The following TMPRSS11F variants were observed in gnomAD, a reference collection of about 807,000 sequenced individuals.
TMPRSS11F encodes the protein transmembrane serine protease 11F.
TMPRSS11F carries 47 observed loss-of-function variants against 60.2 expected under a neutral mutation model. That is an observed-to-expected ratio of 0.78 (90% CI 0.62 to 1.00). The LOEUF is 1.00. Ranked by LOEUF, TMPRSS11F falls within the 50% of genes least tolerant of loss-of-function variation. TMPRSS11F has a pLI of 0.00. For missense variants in TMPRSS11F, 519 were observed against 522.9 expected (o/e 0.99, Z 0.07); for synonymous variants, 166 against 167.3 (o/e 0.99, Z 0.06).
At chr4:68,064,484 G>A (rs984512882) in intron 8 of TMPRSS11F, among the ~76,000 whole-genome samples, 3 of 152,140 alleles carry the variant, frequency 2.0e-5, no homozygotes, top group Admixed American at 2.0e-4. Context: ...ACCACACCCG[G>A]CCACCACTGC....
intron 1 of TMPRSS11F, among the ~76,000 whole-genome samples, chr4:68,122,843 T>C (rs1724648329): frequency 6.6e-6 from 1 of 152,204 alleles, no homozygotes; most frequent in African/African-American, 2.4e-5. Flanking sequence ...CTTTAAAAAA[T>C]GTTTTTGAGG....
At chr4:68,062,817 C>G (rs1284207622) in intron 8 of TMPRSS11F, 1 of 755,772 alleles carries the variant, frequency 1.3e-6, no homozygotes, top group South Asian at 1.3e-5. Flanking sequence ...ATCTCTTGAT[C>G]CGTGGATTTC....
In TMPRSS11F at chr4:68,094,601, C is replaced by G. The variant is rs550682305; in HGVS notation, c.164-3960G>C. Among the ~76,000 whole-genome samples the G allele has an allele frequency of 3.8e-5, 5 of 130,458 alleles. No homozygotes were observed. The East Asian group carries it at 1.1e-3, about 29-fold the overall frequency. The allele number at this position is 130,458 out of a possible 152,430, so 85.6% of individuals were successfully genotyped here. A position where few individuals can be genotyped will look rare whatever the true frequency, so the allele number is the denominator to read the frequency against. On this transcript the variant is annotated intron_variant, in intron 2 of 9. Coordinates refer to ENST00000356291, the MANE Select transcript of TMPRSS11F (RefSeq NM_207407.2). Reference sequence around the variant, plus strand: ...AAATAAATAAATAAATAAATAAAATCAAGGTATGCTTGGCTCTTGGGATTT... The same window carrying G: ...AAATAAATAAATAAATAAATAAAATGAAGGTATGCTTGGCTCTTGGGATTT...
intron 1 of TMPRSS11F, among the ~76,000 whole-genome samples, chr4:68,126,353 A>G (rs1338363993): frequency 6.6e-6 from 1 of 152,224 alleles, no homozygotes; most frequent in African/African-American, 2.4e-5. Flanking sequence ...TTTAAAATCT[A>G]GTCTATAAGC....
intron 9 of TMPRSS11F, among the ~76,000 whole-genome samples, chr4:68,057,989 T>G (rs1311124404): frequency 6.6e-6 from 1 of 152,180 alleles, no homozygotes; most frequent in East Asian, 1.9e-4. Flanking sequence ...ACTACATCAT[T>G]TTACCTATAT....
At position 68,055,814 on chromosome 4, in the gene TMPRSS11F, T is replaced by A. The variant is rs192774363; in HGVS notation, c.1159-1747A>T. 4.8e-3 allele frequency among the ~76,000 whole-genome samples: 724 copies of A among 152,258 alleles called. 3 individuals are homozygous for A. Among genetic ancestry groups the A allele is most frequent in the Non-Finnish European group, 6.6e-3 (447 of 68,004 alleles). ...GTAAAAATCCTTAACAAAATACTCA[T>A]GAACCAAATTCAAATAGATTAAAGG... On this transcript the variant is annotated intron_variant, in intron 9 of 9. Coordinates refer to ENST00000356291, the MANE Select transcript of TMPRSS11F (RefSeq NM_207407.2).
chr4:68,117,026 A>G (rs1724535299), intron 1 of TMPRSS11F, among the ~76,000 whole-genome samples: 1 of 152,242 alleles, frequency 6.6e-6, no homozygotes, highest in Admixed American at 6.5e-5. Flanking sequence ...GCTTCTGCAC[A>G]GTCAAGGAAT....
At chr4:68,094,570 A>T (rs1002822978) in intron 2 of TMPRSS11F, among the ~76,000 whole-genome samples, 26 of 129,738 alleles carry the variant, frequency 2.0e-4, no homozygotes, top group Non-Finnish European at 3.8e-4. Flanking sequence ...AAATAAATTT[A>T]AAAATAAATA....
intron 2 of TMPRSS11F, among the ~76,000 whole-genome samples, chr4:68,095,769 G>A (rs989691592): frequency 3.0e-4 from 45 of 151,902 alleles, no homozygotes; most frequent in African/African-American, 1.1e-3. Flanking sequence ...GGTGGCGGGT[G>A]CCTGTAATCC....
chr4:68,114,990 T>TAAAAA (rs56946635), intron 1 of TMPRSS11F, among the ~76,000 whole-genome samples: 17 of 114,344 alleles, frequency 1.5e-4, no homozygotes, highest in South Asian at 3.1e-4. Flanking sequence ...ATTCATTATT[T>TAAAAA]AAAAAAAAAA....
chr4:68,108,250 C>A (rs938049970), intron 1 of TMPRSS11F, among the ~76,000 whole-genome samples: 3 of 152,090 alleles, frequency 2.0e-5, no homozygotes, highest in African/African-American at 7.2e-5. Context: ...AAGGAGGATG[C>A]CAAGGTCTTT....
chr4:68,125,851 A>G (rs2109892915), intron 1 of TMPRSS11F, among the ~76,000 whole-genome samples: 1 of 152,298 alleles, frequency 6.6e-6, no homozygotes, highest in Admixed American at 6.5e-5. Flanking sequence ...CTTTAAGTGC[A>G]ATGGGAAGCT....
Position 68,125,141 on chromosome 4 carries a change from T to TTACAAACA in TMPRSS11F, c.11+4661_11+4668dup, listed in dbSNP as rs1316289716. Among the ~76,000 whole-genome samples, 294 of 151,706 alleles carry TTACAAACA rather than the reference T, an allele frequency of 1.9e-3. 1 individual carries two copies. Among genetic ancestry groups the TTACAAACA allele is most frequent in the African/African-American group, 6.8e-3 (282 of 41,504 alleles). ...GCCTGTATTCAATGGTTTTTTTAAC[T>TTACAAACA]TACAAACAGGGCAATTTCATATGGT... is the stretch of plus-strand genomic sequence containing the variant. On this transcript the variant is annotated intron_variant, in intron 1 of 9. Transcript: ENST00000356291.
intron 1 of TMPRSS11F, among the ~76,000 whole-genome samples, chr4:68,117,715 C>A (rs1412722110): frequency 6.6e-6 from 1 of 152,078 alleles, no homozygotes; most frequent in African/African-American, 2.4e-5. Context: ...AAGTTCTCAA[C>A]TGTCAATTCA....
At chr4:68,123,990 G>A (rs1369386687) in intron 1 of TMPRSS11F, among the ~76,000 whole-genome samples, 1 of 152,290 alleles carries the variant, frequency 6.6e-6, no homozygotes, top group South Asian at 2.1e-4. Context: ...GGAGGCGGAG[G>A]CAGGTAGATC....
chr4:68,098,768 T>C, intron 2 of TMPRSS11F, 119 bp downstream of exon 2: 1 of 958,180 alleles, frequency 1.0e-6, no homozygotes, highest in Non-Finnish European at 1.5e-6. Context: ...TTAACATCAG[T>C]AAAAGACTGG....
rs1002449715 is a variant in TMPRSS11F, at chr4:68,064,906, G to A, written c.794C>T (p.Ala265Val). Residue 265 changes from alanine (A) to valine (V), a missense_variant, in exon 8 of 10, where the codon GCA becomes GTA. Transcript: ENST00000356291. ...TTTCACTGCGGGTGGTGTTATAGTTGCACCAAAAGTAGCAATCCATTGAGT... is the reference window on the plus strand; with the variant it reads ...TTTCACTGCGGGTGGTGTTATAGTTACACCAAAAGTAGCAATCCATTGAGT... The part of the protein sequence containing the change: ...DPTQWIATFG[A>V]TITPPAVKRN... 5.0e-6 allele frequency: 8 copies of A among 1,613,744 alleles called. No homozygotes were observed. The Admixed American group carries it at 5.0e-5, about 10-fold the overall frequency.
chr4:68,089,047 A>G (rs1723873381), intron 3 of TMPRSS11F, among the ~76,000 whole-genome samples: 2 of 152,150 alleles, frequency 1.3e-5, no homozygotes, highest in Admixed American at 6.6e-5. Flanking sequence ...ATTAGAAAAA[A>G]AAAAACTATT....
At chr4:68,060,661 T>C (rs555804845) in intron 8 of TMPRSS11F, among the ~76,000 whole-genome samples, 10 of 151,630 alleles carry the variant, frequency 6.6e-5, no homozygotes, top group Non-Finnish European at 1.3e-4. Flanking sequence ...AGAAAGCTCA[T>C]TGATGTAACA....
Sources: allele counts gnomAD v4.1 joint callset (sites outside exome capture counted in the v4.1 genomes callset), GRCh38; gene constraint gnomAD v4.1.1; transcripts MANE v1.5; gene names NCBI Gene and HGNC (gene_info 2026-07-23, HGNC 2026-07-21).